PLXNC1: variants seen among roughly 807,000 people sequenced by gnomAD.
PLXNC1 encodes plexin C1.
A neutral mutation model predicts 178.2 loss-of-function variants in PLXNC1; 75 were observed. That is an observed-to-expected ratio of 0.42 (90% CI 0.35 to 0.51). The LOEUF (loss-of-function observed/expected upper bound fraction) is 0.51. PLXNC1 is among the 20% of genes least tolerant of loss of function. PLXNC1 has a pLI of 0.02. For synonymous variants in PLXNC1, 790 were observed against 779.9 expected (o/e 1.01, Z -0.22); for missense variants, 1,503 against 1,984.4 (o/e 0.76, Z 4.61).
chr12:94,287,264 C>T (rs772113663), intron 23 of PLXNC1, among the ~76,000 whole-genome samples: 4 of 152,302 alleles, frequency 2.6e-5, no homozygotes, highest in South Asian at 2.1e-4. Flanking sequence ...TAAACCCTCC[C>T]GGTGCGCTTC....
At chr12:94,179,740 CA>C (rs63329860) in intron 2 of PLXNC1, among the ~76,000 whole-genome samples, 31,297 of 80,226 alleles carry the variant, frequency 0.39, 3,291 homozygotes, top group East Asian at 0.43. Flanking sequence ...GACTCCATCT[CA>C]AAAAAAAAAA....
chr12:94,188,703 G>T (rs1181902934), intron 4 of PLXNC1, among the ~76,000 whole-genome samples: 8 of 152,350 alleles, frequency 5.3e-5, no homozygotes, highest in South Asian at 4.1e-4. Context: ...AGGAGAAATG[G>T]ATGATACAGG....
intron 21 of PLXNC1, among the ~76,000 whole-genome samples, chr12:94,269,578 A>T (rs1309410649): frequency 6.6e-6 from 1 of 152,226 alleles, no homozygotes; most frequent in African/African-American, 2.4e-5. Flanking sequence ...AAGATCCATT[A>T]GCCCCGTAAT....
intron 14 of PLXNC1, among the ~76,000 whole-genome samples, chr12:94,248,853 G>A (rs1445938833): frequency 6.6e-6 from 1 of 152,078 alleles, no homozygotes; most frequent in East Asian, 1.9e-4. Flanking sequence ...TAATCTCTGG[G>A]TCATGGGCTG....
chr12:94,259,634 G>A lies in PLXNC1; in HGVS notation c.3151G>A (p.Glu1051Lys). 1 of 1,609,092 alleles carries A rather than the reference G, an allele frequency of 6.2e-7. No individual in the cohort carries two copies. Among genetic ancestry groups the A allele is most frequent in the Non-Finnish European group, 8.5e-7 (1 of 1,177,134 alleles). The change falls in exon 19 of 31, where the codon GAA becomes AAA. Residue 1051 changes from glutamate (E) to lysine (K), a missense_variant. Physicochemically the swap from Glu to Lys is moderately conservative, Grantham distance 56. Around this residue, in one of 4 missense-constraint regions of PLXNC1, gnomAD observed 639 missense variants for 979.7 expected, o/e 0.65. Coordinates refer to ENST00000258526, the MANE Select transcript of PLXNC1 (RefSeq NM_005761.3). ...GAACAGAGACGCCAACGACAAGAAT[G>A]AAAGTCTCACAGCTTTGGATGCCCT... Reference protein sequence around the residue: ...MHNRDANDKNESLTALDALIC... With the variant: ...MHNRDANDKNKSLTALDALIC...
At chr12:94,212,049 C>A (rs545075678) in intron 5 of PLXNC1, among the ~76,000 whole-genome samples, 1 of 151,646 alleles carries the variant, frequency 6.6e-6, no homozygotes, top group Non-Finnish European at 1.5e-5. Flanking sequence ...CCGAGGCGGG[C>A]GGATCACGAG....
At chr12:94,269,298 ATT>A (rs1403734991) in intron 21 of PLXNC1, among the ~76,000 whole-genome samples, 1 of 152,226 alleles carries the variant, frequency 6.6e-6, no homozygotes, top group Non-Finnish European at 1.5e-5. Flanking sequence ...AGTTTTCAAG[ATT>A]ATTAGAAATT....
intron 11 of PLXNC1, among the ~76,000 whole-genome samples, chr12:94,242,422 C>T (rs1429400854): frequency 6.6e-6 from 1 of 150,932 alleles, no homozygotes; most frequent in African/African-American, 2.4e-5. Flanking sequence ...GATTCTCCTG[C>T]CTCAGCCTCT....
At position 94,149,646 on chromosome 12, in the gene PLXNC1, G is replaced by C; in HGVS notation, c.675G>C (p.Leu225=). Residue 225 remains leucine (L), a synonymous_variant, in exon 1 of 31, where the codon CTG becomes CTC. Transcript: ENST00000258526. ...CGCAGGAGCTGGGGCGCCTCAAGCT[G>C]TGCGAGGGCGCGGGCAGCCTGCACT... ...LATQELGRLK[L]CEGAGSLHFV... The C allele has an allele frequency of 6.2e-7, 1 of 1,602,550 alleles. No individual in the cohort carries two copies.
intron 1 of PLXNC1, among the ~76,000 whole-genome samples, chr12:94,156,926 G>A (rs1353311753): frequency 6.6e-6 from 1 of 152,034 alleles, no homozygotes; most frequent in Non-Finnish European, 1.5e-5. Flanking sequence ...TGTTGCCCAT[G>A]CTGGTCTCAA....
intron 14 of PLXNC1, 77 bp from the exon 15 acceptor site, chr12:94,251,349 C>A: frequency 1.2e-6 from 1 of 837,042 alleles, no homozygotes; most frequent in South Asian, 1.4e-5. Flanking sequence ...ATTGTGAAGC[C>A]ATTTTAGGGG....
At chr12:94,206,605 A>G (rs1191014767) in intron 4 of PLXNC1, among the ~76,000 whole-genome samples, 1 of 152,078 alleles carries the variant, frequency 6.6e-6, no homozygotes, top group African/African-American at 2.4e-5. Context: ...TATTAGCTCT[A>G]AGTGGAAATA....
intron 21 of PLXNC1, among the ~76,000 whole-genome samples, chr12:94,266,696 G>A (rs1266641501): frequency 6.6e-6 from 1 of 152,174 alleles, no homozygotes; most frequent in Non-Finnish European, 1.5e-5. Flanking sequence ...ACCTCTCTAT[G>A]CCTCATTCTC....
In PLXNC1 at chr12:94,273,978, C is replaced by T. The variant is rs1312953629; in HGVS notation, c.3598-5494C>T. On this transcript the variant is annotated intron_variant, in intron 21 of 30. Transcript: ENST00000258526. Reference sequence around the variant, plus strand: ...TACCTCCTGGCCCTGCCATCCTAGTCACAAGATGGCTGCCACCGCTCCAAG... The same window carrying T: ...TACCTCCTGGCCCTGCCATCCTAGTTACAAGATGGCTGCCACCGCTCCAAG... Among the ~76,000 whole-genome samples, 7 of 151,828 alleles carry T rather than the reference C, an allele frequency of 4.6e-5. 1 individual carries two copies. Among genetic ancestry groups the T allele is most frequent in the Admixed American group, 4.6e-4 (7 of 15,254 alleles).
rs549216349 is a variant in PLXNC1 at position 94,201,016 on chromosome 12, C to A, written c.1440-8574C>A. ...GCCATTTTAAAATTTCCTTGTTAAT[C>A]CAATTCAGCTACCTTTTGTTGAATC... On this transcript the variant is annotated intron_variant, in intron 4 of 30. Transcript: ENST00000258526. 3.9e-5 allele frequency among the ~76,000 whole-genome samples: 6 copies of A among 152,242 alleles called. No homozygotes were observed. The East Asian group carries it at 1.2e-3, about 29-fold the overall frequency.
chr12:94,292,948 C>T (rs571233138), intron 23 of PLXNC1, among the ~76,000 whole-genome samples: 16 of 152,342 alleles, frequency 1.1e-4, no homozygotes, highest in South Asian at 4.1e-4. Context: ...TATCCTGAAA[C>T]TACCACCCAT....
intron 23 of PLXNC1, among the ~76,000 whole-genome samples, chr12:94,285,935 C>A (rs1045136804): frequency 6.6e-6 from 1 of 152,086 alleles, no homozygotes; most frequent in Admixed American, 6.6e-5. Context: ...TGGGGTGGGC[C>A]GCAGAGGCAG....
intron 16 of PLXNC1, 132 bp downstream of exon 16, chr12:94,255,020 C>A: frequency 1.1e-6 from 1 of 911,092 alleles, no homozygotes; most frequent in Admixed American, 2.3e-5. Flanking sequence ...AGGGCAGGGC[C>A]TGGGCCTGGC....
chr12:94,162,370 CAGG>C (rs1176524284), intron 1 of PLXNC1, among the ~76,000 whole-genome samples: 1 of 152,084 alleles, frequency 6.6e-6, no homozygotes, highest in African/African-American at 2.4e-5. Flanking sequence ...AAGCAGAGTG[CAGG>C]AGGAGAAGAA....
Sources: gnomAD v4.1 joint callset for allele counts (sites outside exome capture counted in the v4.1 genomes callset) on GRCh38, gnomAD v4.1.1 for gene constraint, gnomAD v4.1.1 regional missense constraint, MANE v1.5 for transcripts, NCBI Gene and HGNC (gene_info 2026-07-23, HGNC 2026-07-21) for gene names.